The following SYN3 variants were observed in gnomAD, a reference collection of about 807,000 sequenced individuals.
SYN3 encodes the protein synapsin III, also known as synapsin-3.
A neutral mutation model predicts 65.8 loss-of-function variants in SYN3; 35 were observed. That is an observed-to-expected ratio of 0.53 (90% CI 0.41 to 0.70). The LOEUF (loss-of-function observed/expected upper bound fraction) is 0.70, where lower values mean the gene tolerates loss of function less well. Ranked by LOEUF, SYN3 falls within the 30% of genes least tolerant of loss-of-function variation. SYN3 has a pLI of 0.00. For synonymous variants in SYN3, 270 were observed against 292.9 expected (o/e 0.92, Z 0.80); for missense variants, 680 against 749.0 (o/e 0.91, Z 1.08).
In SYN3 at chr22:32,912,823, T is replaced by C. The variant is rs565761818; in HGVS notation, c.461+18567A>G. Among the ~76,000 whole-genome samples, 218 of 152,036 alleles carry C rather than the reference T, an allele frequency of 1.4e-3. 4 individuals are homozygous for C. The highest frequency in any genetic ancestry group is 4.6e-4 in the Non-Finnish European group (31 of 67,998). On this transcript the variant is annotated intron_variant, in intron 4 of 13. Transcript: ENST00000358763. ...TAGACGAAGTTTGTGAAAAGATCAG[T>C]GGTTGCCAAGGTTTGGGTGGAAGGA... is the stretch of plus-strand genomic sequence containing the variant.
chr22:32,627,321 C>T (rs2059682405), intron 6 of SYN3, among the ~76,000 whole-genome samples: 1 of 152,128 alleles, frequency 6.6e-6, no homozygotes, highest in African/African-American at 2.4e-5. Flanking sequence ...GAAACAAAAC[C>T]AGGAAAACAG....
At chr22:32,830,554 CT>C (rs1023833228) in intron 6 of SYN3, among the ~76,000 whole-genome samples, 1 of 152,302 alleles carries the variant, frequency 6.6e-6, no homozygotes, top group Admixed American at 6.5e-5. Flanking sequence ...TGCCTGTGAC[CT>C]TTCTTATTGT....
intron 1 of SYN3, among the ~76,000 whole-genome samples, chr22:33,008,046 C>T (rs527563217): frequency 6.6e-6 from 1 of 152,176 alleles, no homozygotes; most frequent in South Asian, 2.1e-4. Context: ...AAGTGATTCT[C>T]CTGTCTCAGC....
At chr22:33,031,694 T>C (rs2053758244) in intron 1 of SYN3, among the ~76,000 whole-genome samples, 1 of 151,362 alleles carries the variant, frequency 6.6e-6, no homozygotes, top group South Asian at 2.1e-4. Flanking sequence ...CCAACCCCAT[T>C]CCCCCAGCAC....
At chr22:32,869,784 G>C (rs1437587806) in intron 4 of SYN3, among the ~76,000 whole-genome samples, 2 of 150,440 alleles carry the variant, frequency 1.3e-5, no homozygotes, top group African/African-American at 4.9e-5. Flanking sequence ...TATTTGCTAG[G>C]TCCCTCTAGA....
In SYN3 at chr22:32,998,796, A is replaced by AAAAC. The variant is rs1556121827; in HGVS notation, c.311+7552_311+7555dup. On this transcript the variant is annotated intron_variant, in intron 2 of 13. Coordinates refer to ENST00000358763, the MANE Select transcript of SYN3 (RefSeq NM_003490.4). ...AATAGTAAAAAAAAAAAAAAAAAAA[A>AAAAC]AAACAAAAGTCCCTCCATCCTCCTT... 4.3e-3 allele frequency among the ~76,000 whole-genome samples: 651 copies of AAAAC among 150,894 alleles called. 8 individuals carry two copies. The highest frequency in any genetic ancestry group is 0.016 in the African/African-American group (633 of 40,788).
At chr22:32,853,731 C>T (rs934880920) in intron 6 of SYN3, among the ~76,000 whole-genome samples, 5 of 152,194 alleles carry the variant, frequency 3.3e-5, no homozygotes, top group Admixed American at 6.5e-5. Context: ...CCTCTCCTTA[C>T]GAATTTCAGT....
intron 6 of SYN3, among the ~76,000 whole-genome samples, chr22:32,629,188 T>C (rs1014388351): frequency 6.6e-6 from 1 of 152,184 alleles, no homozygotes. Flanking sequence ...GGGTCAGTGA[T>C]AGCAACAGAG....
intron 6 of SYN3, among the ~76,000 whole-genome samples, chr22:32,712,129 T>G (rs2060974265): frequency 6.6e-6 from 1 of 152,166 alleles, no homozygotes; most frequent in African/African-American, 2.4e-5. Flanking sequence ...ACTCCTCAAT[T>G]GAGGCTGCCT....
intron 4 of SYN3, among the ~76,000 whole-genome samples, chr22:32,901,419 T>G (rs1184620998): frequency 6.6e-6 from 1 of 152,184 alleles, no homozygotes; most frequent in Non-Finnish European, 1.5e-5. Flanking sequence ...ATGTTAGTGC[T>G]TCTTACTTCT....
intron 6 of SYN3, among the ~76,000 whole-genome samples, chr22:32,732,705 C>T (rs1384985432): frequency 2.0e-5 from 3 of 152,192 alleles, no homozygotes; most frequent in African/African-American, 7.2e-5. Context: ...ATGTTTCACA[C>T]AGGTGAGCCC....
intron 6 of SYN3, among the ~76,000 whole-genome samples, chr22:32,684,556 C>T (rs970248820): frequency 1.3e-5 from 2 of 152,236 alleles, no homozygotes; most frequent in Non-Finnish European, 2.9e-5. Context: ...TCAAACATTG[C>T]ATTAACACTA....
intron 6 of SYN3, among the ~76,000 whole-genome samples, chr22:32,772,488 A>G (rs1040531303): frequency 5.3e-5 from 8 of 152,040 alleles, no homozygotes; most frequent in Non-Finnish European, 1.0e-4. Context: ...GTATAGGGAC[A>G]TGAGATAGGC....
At chr22:32,891,240 G>C (rs2049437706) in intron 4 of SYN3, among the ~76,000 whole-genome samples, 1 of 152,066 alleles carries the variant, frequency 6.6e-6, no homozygotes, top group Non-Finnish European at 1.5e-5. Context: ...AATTTTGCAG[G>C]GCTCAGAAGC....
At chr22:32,980,824 C>T in intron 2 of SYN3, 122 bp from the exon 3 acceptor site, 2 of 785,850 alleles carry the variant, frequency 2.5e-6, no homozygotes, top group Non-Finnish European at 4.3e-6. Context: ...CCTACTGTCT[C>T]CTCCCACCTT....
chr22:32,807,355 A>AAT (rs2046776112), intron 6 of SYN3, among the ~76,000 whole-genome samples: 3 of 19,912 alleles, frequency 1.5e-4, no homozygotes, highest in Non-Finnish European at 2.9e-4. Context: ...ATAAATATAT[A>AAT]ATATATAATA....
At chr22:33,018,416 C>T (rs1189426389) in intron 1 of SYN3, among the ~76,000 whole-genome samples, 1 of 152,138 alleles carries the variant, frequency 6.6e-6, no homozygotes, top group Admixed American at 6.5e-5. Context: ...TACCCAGCCC[C>T]ATGCTGCCCT....
intron 6 of SYN3, among the ~76,000 whole-genome samples, chr22:32,799,411 G>C (rs994918626): frequency 2.0e-5 from 3 of 152,182 alleles, no homozygotes; most frequent in African/African-American, 7.2e-5. Context: ...TCATAATTAA[G>C]TAGCTGCTGG....
chr22:32,888,384 A>G (rs1428153457), intron 4 of SYN3, among the ~76,000 whole-genome samples: 1 of 151,924 alleles, frequency 6.6e-6, no homozygotes, highest in Non-Finnish European at 1.5e-5. Context: ...TGGATCATAT[A>G]GTGCCTATAT....
Sources: gnomAD v4.1 joint callset for allele counts (sites outside exome capture counted in the v4.1 genomes callset) on GRCh38, gnomAD v4.1.1 for gene constraint, MANE v1.5 for transcripts, NCBI Gene and HGNC (gene_info 2026-07-23, HGNC 2026-07-21) for gene names.